The following GAGE1 variants were observed in gnomAD, a reference collection of about 807,000 sequenced individuals.
GAGE1 encodes the protein G antigen 1.
Under a neutral mutation model 5.0 loss-of-function variants are expected in GAGE1, and 5 were observed. The ratio of observed to expected loss-of-function variants is 1.00; its 90% CI spans 0.52 to 2.11. GAGE1 has a LOEUF of 2.11. Ranked by LOEUF, GAGE1 falls within the 30% of genes most tolerant of loss-of-function variation. The pLI is 0.01. For missense variants in GAGE1, 9 were observed against 38.9 expected (o/e 0.23, Z 2.04); for synonymous variants, 6 against 14.8 (o/e 0.40, Z 1.37).
chrX:49,604,450 A>T (rs2066638857), intron 4 of GAGE1, among the ~76,000 whole-genome samples: 2 of 112,566 alleles, frequency 1.8e-5, no homozygotes, highest in African/African-American at 6.4e-5. Context: ...GCGGGTTCTA[A>T]TATCAGCTCT....
chrX:49,607,446 A>G lies in GAGE1; in HGVS notation c.*1431A>G, dbSNP rs2066665459. 1 of 110,818 alleles carries G rather than the reference A, an allele frequency of 9.0e-6. No individual in the cohort carries two copies. Among genetic ancestry groups the G allele is most frequent in the Admixed American group, 9.7e-5 (1 of 10,348 alleles). 9.1% of individuals were successfully genotyped at this position (110,818 alleles called of 1,213,427 possible). On this transcript the variant is annotated 3_prime_UTR_variant, in exon 5 of 5. Transcript: ENST00000381700. ...TTCATAAAACGGGTTGGTATGTAAA[A>G]CCTCTTTTTCCATTCACTGGAACTC...
rs1557132378 is a variant in GAGE1 at position 49,607,830 on chromosome X, T to C, written c.*1815T>C. ...CCATTTATTTTTAAAATAAGAGGAA[T>C]TATTATAAAATTCCTATTTACTGGA... On this transcript the variant is annotated 3_prime_UTR_variant, in exon 5 of 5. Transcript: ENST00000381700. 1 of 111,533 alleles carries C rather than the reference T, an allele frequency of 9.0e-6. No homozygotes were observed. The highest frequency in any genetic ancestry group is 9.6e-5 in the Admixed American group (1 of 10,385). 9.2% of individuals were successfully genotyped at this position (111,533 alleles called of 1,213,427 possible).
Position 49,607,432 on chromosome X carries a change from G to C in GAGE1, c.*1417G>C, listed in dbSNP as rs2066665382. On this transcript the variant is annotated 3_prime_UTR_variant, in exon 5 of 5. Coordinates refer to ENST00000381700, the MANE Select transcript of GAGE1 (RefSeq NM_001040663.4). ...AAGGTTCCTCTAGCTTCATAAAACG[G>C]GTTGGTATGTAAAACCTCTTTTTCC... The C allele has an allele frequency of 9.0e-6, 1 of 111,585 alleles. No individual in the cohort carries two copies. The highest frequency in any genetic ancestry group is 1.9e-5 in the Non-Finnish European group (1 of 53,154). The allele number at this position is 111,585 out of a possible 1,213,427, so 9.2% of individuals were successfully genotyped here.
chrX:49,604,193 C>G (rs4824482), intron 4 of GAGE1, among the ~76,000 whole-genome samples: 2 of 112,588 alleles, frequency 1.8e-5, no homozygotes, highest in Non-Finnish European at 3.7e-5. Context: ...ACAATACTGC[C>G]TCTTTAGTAA....
intron 4 of GAGE1, among the ~76,000 whole-genome samples, chrX:49,605,535 G>T (rs1330815319): frequency 8.0e-5 from 9 of 112,012 alleles, no homozygotes; most frequent in Non-Finnish European, 1.7e-4. Context: ...TACGACAGAG[G>T]ATCACCTTAG....
rs1304443840 is a variant in GAGE1 at position 49,606,731 on chromosome X, A to G, written c.*716A>G. The G allele has an allele frequency of 8.9e-6, 1 of 112,127 alleles. No individual in the cohort carries two copies. Among genetic ancestry groups the G allele is most frequent in the African/African-American group, 3.2e-5 (1 of 30,878 alleles). 9.2% of individuals were successfully genotyped at this position (112,127 alleles called of 1,213,427 possible). A position where few individuals can be genotyped will look rare whatever the true frequency, so the allele number is the denominator to read the frequency against. ...TGTTGAGAGTGTTCATTTTGAATAT[A>G]TGTTGAATTTCATCAAACACTGACC... is the stretch of plus-strand genomic sequence containing the variant. On this transcript the variant is annotated 3_prime_UTR_variant, in exon 5 of 5. Coordinates refer to ENST00000381700, the MANE Select transcript of GAGE1 (RefSeq NM_001040663.4).
intron 4 of GAGE1, chrX:49,605,075 C>T (rs782247653): frequency 1.8e-5 from 18 of 1,019,970 alleles, no homozygotes; most frequent in African/African-American, 7.8e-5. Flanking sequence ...TCTTTCCCCA[C>T]GGAAACCTTG....
At chrX:49,604,790 G>T (rs1420819409) in intron 4 of GAGE1, among the ~76,000 whole-genome samples, 1 of 111,656 alleles carries the variant, frequency 9.0e-6, no homozygotes, top group African/African-American at 3.3e-5. Context: ...TTGTGAAATT[G>T]TGAATTCTCC....
rs200337854 is a variant in GAGE1, at chrX:49,604,363, C to G, written c.331+570C>G. ...AGCTCATAATTTTCAAATGCTTTTG[C>G]AAAGGTCTGCTTTTAATCAATACAT... On this transcript the variant is annotated intron_variant, in intron 4 of 4. Coordinates refer to ENST00000381700, the MANE Select transcript of GAGE1 (RefSeq NM_001040663.4). Among the ~76,000 whole-genome samples, 48 of 112,150 alleles carry G rather than the reference C, an allele frequency of 4.3e-4. No homozygotes were observed. The East Asian group carries it at 0.012, about 29-fold the overall frequency.
intron 4 of GAGE1, among the ~76,000 whole-genome samples, chrX:49,604,478 T>G (rs782129941): frequency 2.4e-4 from 27 of 112,334 alleles, no homozygotes; most frequent in Admixed American, 2.0e-3. Context: ...TTGGTGAGAT[T>G]CTGAGTGAGT....
intron 4 of GAGE1, among the ~76,000 whole-genome samples, chrX:49,604,720 G>C (rs782133957): frequency 4.5e-5 from 5 of 112,028 alleles, no homozygotes; most frequent in Admixed American, 9.4e-5. Context: ...AGAAAGTGAG[G>C]GGGCACTCTG....
At chrX:49,605,908 A>AAATGAT (rs2066655393) in intron 4 of GAGE1, 85 bp from the exon 5 acceptor site, 1 of 265,511 alleles carries the variant, frequency 3.8e-6, no homozygotes, top group Non-Finnish European at 5.6e-6. Context: ...ACTCCATCTA[A>AAATGAT]AATAATAATA....
intron 4 of GAGE1, 70 bp from the exon 5 acceptor site, chrX:49,605,923 T>G: frequency 2.0e-6 from 1 of 497,169 alleles, no homozygotes; most frequent in South Asian, 7.4e-5. Flanking sequence ...ATAATAATAA[T>G]AATAATAATA....
chrX:49,605,015 G>T, intron 4 of GAGE1: 1 of 1,011,794 alleles, frequency 9.9e-7, no homozygotes, highest in Non-Finnish European at 1.3e-6. Flanking sequence ...GTCTCACTAT[G>T]TTGCCCAGAC....
intron 4 of GAGE1, among the ~76,000 whole-genome samples, chrX:49,604,196 T>G (rs1426893833): frequency 1.8e-5 from 2 of 112,645 alleles, no homozygotes; most frequent in South Asian, 3.7e-4. Context: ...ATACTGCCTC[T>G]TTAGTAAAGA....
At chrX:49,605,158 A>T in intron 4 of GAGE1, 9 of 995,036 alleles carry the variant, frequency 9.0e-6, no homozygotes, top group Admixed American at 2.5e-5. Flanking sequence ...AGTGATGCTC[A>T]GCATGGGTGT....
chrX:49,602,601 G>C (rs5953320), intron 3 of GAGE1, among the ~76,000 whole-genome samples: 6 of 82,670 alleles, frequency 7.3e-5, no homozygotes, highest in Admixed American at 3.9e-4. Flanking sequence ...TATGTTTACT[G>C]TTATTAATGC....
chrX:49,605,055 G>T (rs1330581375), intron 4 of GAGE1: 1 of 1,022,588 alleles, frequency 9.8e-7, no homozygotes, highest in Non-Finnish European at 1.3e-6. Context: ...ATGAACAATT[G>T]CTTCTTAAAT....
At position 49,606,577 on chromosome X, in the gene GAGE1, G is replaced by T. The variant is rs2066661114; in HGVS notation, c.*562G>T. The T allele has an allele frequency of 8.9e-6, 1 of 112,194 alleles. No individual in the cohort carries two copies. The highest frequency in any genetic ancestry group is 3.2e-5 in the African/African-American group (1 of 30,835). 9.2% of individuals were successfully genotyped at this position (112,194 alleles called of 1,213,427 possible). A position where few individuals can be genotyped will look rare whatever the true frequency, so the allele number is the denominator to read the frequency against. ...TTGAGCAGATCTACCGGATACAATT[G>T]TGATAGTGGAAATTTTTGTGTTATT... On this transcript the variant is annotated 3_prime_UTR_variant, in exon 5 of 5. Coordinates refer to ENST00000381700, the MANE Select transcript of GAGE1 (RefSeq NM_001040663.4).
Sources: allele counts gnomAD v4.1 joint callset (sites outside exome capture counted in the v4.1 genomes callset), GRCh38; gene constraint gnomAD v4.1.1; transcripts MANE v1.5; gene names NCBI Gene and HGNC (gene_info 2026-07-23, HGNC 2026-07-21).